The following EPAS1 variants were observed in gnomAD, a reference collection of about 807,000 sequenced individuals.
The protein encoded by EPAS1 is endothelial PAS domain protein 1, also known as endothelial PAS domain-containing protein 1.
Under a neutral mutation model 87.9 loss-of-function variants are expected in EPAS1, and 23 were observed. The ratio of observed to expected loss-of-function variants is 0.26; its 90% confidence interval spans 0.19 to 0.37. EPAS1 has a LOEUF of 0.37. Among genes scored for constraint, EPAS1 ranks in the 10% least tolerant of loss-of-function variants. The probability of loss-of-function intolerance (pLI) is 1.00; values close to 1 mark genes in which losing one functional copy is unlikely to be tolerated. For missense variants in EPAS1, 1,138 were observed against 1,120.7 expected (o/e 1.02, Z -0.22); for synonymous variants, 508 against 444.3 (o/e 1.14, Z -1.80).
chr2:46,381,599 T>A lies in EPAS1; in HGVS notation c.2049T>A (p.Ser683=), dbSNP rs1430952584. Residue 683 remains serine (S), a synonymous_variant, in exon 13 of 16, where the codon TCT becomes TCA. Transcript: ENST00000263734. ...CCTGCTCTCTCGGGCTTGGCAGGTC[T>A]GCAAAGGGTTTTGGGGCTCGAGGCC... is the stretch of plus-strand genomic sequence containing the variant. ...PPHVSTFKTR[S]AKGFGARGPD... is the part of the protein sequence containing the mutation. The A allele has an allele frequency of 1.2e-6, 2 of 1,613,988 alleles. No homozygotes were observed. The highest frequency in any genetic ancestry group is 1.1e-5 in the South Asian group (1 of 91,086).
chr2:46,304,171 A>C (rs1683063723), intron 1 of EPAS1, among the ~76,000 whole-genome samples: 1 of 152,240 alleles, frequency 6.6e-6, no homozygotes, highest in South Asian at 2.1e-4. Context: ...TTGCATCAGG[A>C]CAACACAAAA....
In EPAS1 at chr2:46,377,907, C is replaced by G. The variant is rs142534349; in HGVS notation, c.1263C>G (p.Phe421Leu). The G allele has an allele frequency of 6.4e-7, 1 of 1,552,700 alleles. No homozygotes were observed. The highest frequency in any genetic ancestry group is 8.7e-7 in the Non-Finnish European group (1 of 1,147,474). The change falls in exon 10 of 16, where the codon TTC (phenylalanine) becomes TTG (leucine). Residue 421 changes from phenylalanine to leucine, a missense_variant. Physicochemically the swap from Phe to Leu is conservative, Grantham distance 22 (BLOSUM62 0). Around this residue, in one of 4 missense-constraint regions of EPAS1, gnomAD observed 284 missense variants for 258.4 expected, o/e 1.10. Coordinates refer to ENST00000263734, the MANE Select transcript of EPAS1 (RefSeq NM_001430.5). ...IISLDFGNQN[F>L]EESSAYGKAI... ...TTGTCTCCACAGGGAATCAGAACTT[C>G]GAGGAGTCCTCAGCCTATGGCAAGG...
chr2:46,304,701 G>A (rs996279542), intron 1 of EPAS1, among the ~76,000 whole-genome samples: 8 of 152,186 alleles, frequency 5.3e-5, no homozygotes, highest in African/African-American at 1.7e-4. Context: ...CTTCGCTGGT[G>A]GCAAGACTTC....
chr2:46,328,174 A>C (rs974033212), intron 1 of EPAS1, among the ~76,000 whole-genome samples: 1 of 152,204 alleles, frequency 6.6e-6, no homozygotes, highest in African/African-American at 2.4e-5. Flanking sequence ...AAGTGCCAAA[A>C]GAGTGGTGTA....
chr2:46,354,474 A>C (rs1291281672), intron 2 of EPAS1, among the ~76,000 whole-genome samples: 1 of 151,864 alleles, frequency 6.6e-6, no homozygotes, highest in Non-Finnish European at 1.5e-5. Context: ...TTTGTGTATA[A>C]CAACCAAAGG....
intron 2 of EPAS1, among the ~76,000 whole-genome samples, chr2:46,353,763 G>C (rs1024400634): frequency 6.6e-6 from 1 of 152,238 alleles, no homozygotes; most frequent in Admixed American, 6.5e-5. Context: ...TCAGGTGTGC[G>C]TATGTGTATG....
chr2:46,323,159 G>A (rs182510986), intron 1 of EPAS1, among the ~76,000 whole-genome samples: 14 of 152,326 alleles, frequency 9.2e-5, no homozygotes, highest in Admixed American at 3.9e-4. Flanking sequence ...ACACAGGGCC[G>A]TTACCCTTGA....
chr2:46,354,674 GCA>G (rs925045161), intron 2 of EPAS1, among the ~76,000 whole-genome samples: 5 of 151,910 alleles, frequency 3.3e-5, no homozygotes, highest in African/African-American at 1.2e-4. Context: ...ACTCTGTTTT[GCA>G]CCTCTGGGCT....
chr2:46,351,267 C>A lies in EPAS1; in HGVS notation c.217+4204C>A, dbSNP rs572197716. Among the ~76,000 whole-genome samples, 266 of 152,306 alleles carry A rather than the reference C, an allele frequency of 1.7e-3. 3 individuals carry two copies. The highest frequency in any genetic ancestry group is 9.0e-4 in the Non-Finnish European group (61 of 68,030). ...ACTTAAACTAAAAAGTCTCGTCAGTCAACAGGTGTTTGCTGAACCCAGTCC... is the reference window on the plus strand; with the variant it reads ...ACTTAAACTAAAAAGTCTCGTCAGTAAACAGGTGTTTGCTGAACCCAGTCC... On this transcript the variant is annotated intron_variant, in intron 2 of 15. Coordinates refer to ENST00000263734, the MANE Select transcript of EPAS1 (RefSeq NM_001430.5).
intron 6 of EPAS1, among the ~76,000 whole-genome samples, chr2:46,363,310 C>G (rs1426494786): frequency 6.6e-6 from 1 of 152,114 alleles, no homozygotes; most frequent in Non-Finnish European, 1.5e-5. Flanking sequence ...GTGCTTCACC[C>G]TGGTGAATGA....
intron 7 of EPAS1, among the ~76,000 whole-genome samples, chr2:46,373,712 T>C (rs867774338): frequency 1.3e-5 from 2 of 152,202 alleles, no homozygotes; most frequent in Non-Finnish European, 2.9e-5. Context: ...CACTGTACCT[T>C]TGTCAAAACT....
rs114701264 is a variant in EPAS1 at position 46,358,350 on chromosome 2, G to A, written c.454+1542G>A. Among the ~76,000 whole-genome samples the A allele has an allele frequency of 9.8e-3, 1,488 of 152,310 alleles. 17 individuals are homozygous for A. Among genetic ancestry groups the A allele is most frequent in the African/African-American group, 0.033 (1,388 of 41,560 alleles). On this transcript the variant is annotated intron_variant, in intron 4 of 15. Transcript: ENST00000263734. ...CACCCTGTAGGCTGCTCAGTGTCTT[G>A]TCTGGTTCTGTGGGGAAAGGGCTAC...
rs2103667381 is a variant in EPAS1 at position 46,377,982 on chromosome 2, C to T, written c.1338C>T (p.Ser446=). ...GGGCCACGGAGTTGAGGAGCCACAG[C>T]ACCCAGAGCGAGGCTGGGAGCCTGC... ...QPWATELRSH[S]TQSEAGSLPA... The change falls in exon 10 of 16, where the codon AGC becomes AGT. Residue 446 remains serine (S), a synonymous_variant. Transcript: ENST00000263734. The T allele has an allele frequency of 6.3e-7, 1 of 1,576,042 alleles. No homozygotes were observed. The highest frequency in any genetic ancestry group is 8.6e-7 in the Non-Finnish European group (1 of 1,160,298).
chr2:46,302,163 G>T lies in EPAS1; in HGVS notation c.26+4226G>T, dbSNP rs1867783. On this transcript the variant is annotated intron_variant, in intron 1 of 15. Coordinates refer to ENST00000263734, the MANE Select transcript of EPAS1 (RefSeq NM_001430.5). ...GTGTGTGTGTGTGCCCGTGCGTCGG[G>T]GGGGGGGGCAGTGGTGATTCTCAAC... Among the ~76,000 whole-genome samples the T allele has an allele frequency of 9.6e-4, 138 of 143,810 alleles. 5 individuals carry two copies. Among genetic ancestry groups the T allele is most frequent in the African/African-American group, 3.3e-3 (126 of 37,994 alleles). 94.3% of individuals were successfully genotyped at this position (143,810 alleles called of 152,430 possible).
chr2:46,361,333 T>G (rs995791361), intron 6 of EPAS1, among the ~76,000 whole-genome samples: 15 of 152,190 alleles, frequency 9.9e-5, no homozygotes, highest in Admixed American at 6.5e-5. Context: ...GGTGTGCAAC[T>G]CTTCTCATCA....
chr2:46,369,114 A>C (rs928438574), intron 6 of EPAS1, among the ~76,000 whole-genome samples: 8 of 152,170 alleles, frequency 5.3e-5, no homozygotes, highest in African/African-American at 1.9e-4. Flanking sequence ...ATAATAAGGC[A>C]CATTTCTATG....
intron 10 of EPAS1, 25 bp from the exon 11 acceptor site, chr2:46,378,632 T>C: frequency 1.3e-6 from 2 of 1,599,526 alleles, no homozygotes; most frequent in Non-Finnish European, 1.7e-6. Context: ...TCTTTGACTC[T>C]GTCCCCCTCC....
chr2:46,334,565 C>T (rs536724037), intron 1 of EPAS1, among the ~76,000 whole-genome samples: 1 of 152,322 alleles, frequency 6.6e-6, no homozygotes, highest in South Asian at 2.1e-4. Flanking sequence ...CAAACTCCTA[C>T]AGCCCTGACT....
Position 46,378,651 on chromosome 2 carries a change from C to A in EPAS1, c.1444-6C>A, listed in dbSNP as rs1684812949. On this transcript the variant is annotated splice_polypyrimidine_tract_variant and splice_region_variant and intron_variant, in intron 10 of 15. Coordinates refer to ENST00000263734, the MANE Select transcript of EPAS1 (RefSeq NM_001430.5). ...TGACTCTGTCCCCCTCCTTCCTGGC[C>A]CCTAGCCCAATAGCCCTGAAGACTA... The A allele has an allele frequency of 6.2e-7, 1 of 1,613,012 alleles. No individual in the cohort carries two copies. The highest frequency in any genetic ancestry group is 8.5e-7 in the Non-Finnish European group (1 of 1,179,026).
Sources: gnomAD v4.1 joint callset for allele counts (sites outside exome capture counted in the v4.1 genomes callset) on GRCh38, gnomAD v4.1.1 for gene constraint, gnomAD v4.1.1 regional missense constraint, MANE v1.5 for transcripts, NCBI Gene and HGNC (gene_info 2026-07-23, HGNC 2026-07-21) for gene names.